MYH14: variants seen among roughly 807,000 people sequenced by gnomAD.
MYH14 encodes myosin heavy chain 14, also known as myosin-14.
Under a neutral mutation model 255.5 loss-of-function variants are expected in MYH14, and 123 were observed. That is an observed-to-expected ratio of 0.48 (90% CI 0.42 to 0.56). The LOEUF is 0.56. Ranked by LOEUF, MYH14 falls within the 20% of genes least tolerant of loss-of-function variation. The probability of loss-of-function intolerance (pLI) is 0.00; values close to 1 mark genes in which losing one functional copy is unlikely to be tolerated. For missense variants in MYH14, 2,423 were observed against 2,802.3 expected, an observed-to-expected ratio of 0.86 and a Z score of 3.06; for synonymous variants, 1,095 against 1,161.2, an observed-to-expected ratio of 0.94 and a Z score of 1.16.
Position 50,230,597 on chromosome 19 carries a change from TG to T in MYH14, c.953del (p.Gly318AlafsTer21), listed in dbSNP as rs777112799. The T allele has an allele frequency of 1.3e-6, 2 of 1,566,172 alleles. No individual in the cohort carries two copies. The highest frequency in any genetic ancestry group is 2.4e-5 in the East Asian group (1 of 42,104). ...AGCTTCCACATCTTCTACCAGCTGC[TG>T]GGGGGCGCTGGAGAGCAGCTCAAAG... ...ECSFHIFYQLLGGAGEQLKAD... is the reference protein window; with the variant it reads ...ECSFHIFYQLXGGAGEQLKAD... On this transcript the variant is annotated frameshift_variant, in exon 9 of 43. Coordinates refer to ENST00000642316, the MANE Select transcript of MYH14 (RefSeq NM_001145809.2). LOFTEE classifies it high-confidence loss of function. The surrounding 1 kb of genome is among the most constrained non-coding windows in gnomAD (Gnocchi z 4.7).
chr19:50,296,560 T>A (rs1024551333), intron 39 of MYH14, among the ~76,000 whole-genome samples: 7 of 152,102 alleles, frequency 4.6e-5, no homozygotes, highest in Non-Finnish European at 8.8e-5. Flanking sequence ...TGAGCCAGAA[T>A]TGTGCCACTC....
In MYH14 at chr19:50,252,796, G is replaced by A. The variant is rs181271120; in HGVS notation, c.1945+43G>A. On this transcript the variant is annotated intron_variant, in intron 16 of 42. Transcript: ENST00000642316. The surrounding 1 kb of genome is among the most constrained non-coding windows in gnomAD (Gnocchi z 4.2). ...CCACCCCGGCTCTAGGGGTCTGTGC[G>A]GCCATTCTCCAAATCCACAGCGTGA... The A allele has an allele frequency of 7.4e-5, 104 of 1,397,336 alleles. No individual in the cohort carries two copies. Among genetic ancestry groups the A allele is most frequent in the Admixed American group, 4.6e-4 (23 of 49,682 alleles). The allele number at this position is 1,397,336 out of a possible 1,614,324, so 86.6% of individuals were successfully genotyped here.
At position 50,305,312 on chromosome 19, in the gene MYH14, G is replaced by C. The variant is rs547328231; in HGVS notation, c.5679-1737G>C. Among the ~76,000 whole-genome samples, 23 of 152,174 alleles carry C rather than the reference G, an allele frequency of 1.5e-4. No individual in the cohort carries two copies. The South Asian group carries it at 4.4e-3, about 29-fold the overall frequency. ...AAGAGAGGATGAAGAAGAGAAAGCA[G>C]GGGGCAGAAGGAATGAAGCGGAGGC... On this transcript the variant is annotated intron_variant, in intron 40 of 42. Coordinates refer to ENST00000642316, the MANE Select transcript of MYH14 (RefSeq NM_001145809.2).
chr19:50,296,669 A>C (rs1012559798), intron 39 of MYH14, among the ~76,000 whole-genome samples: 10 of 152,242 alleles, frequency 6.6e-5, no homozygotes, highest in African/African-American at 2.2e-4. Flanking sequence ...GGCTGATTCC[A>C]GATCTGGAGC....
Position 50,266,910 on chromosome 19 carries a change from G to A in MYH14, c.2728G>A (p.Glu910Lys). The A allele has an allele frequency of 6.4e-7, 1 of 1,552,286 alleles. No individual in the cohort carries two copies. Among genetic ancestry groups the A allele is most frequent in the Non-Finnish European group, 8.7e-7 (1 of 1,147,308 alleles). Reference protein sequence around the residue: ...KPLLQVTRQDEVLQARAQELQ... With the variant: ...KPLLQVTRQDKVLQARAQELQ... ...ACTGCTGCAGGTGACGCGGCAGGATGAGGTGCTGCAGGCACGGGCCCAGGA... is the reference window on the plus strand; with the variant it reads ...ACTGCTGCAGGTGACGCGGCAGGATAAGGTGCTGCAGGCACGGGCCCAGGA... The change falls in exon 23 of 43, where the codon GAG (glutamate) becomes AAG (lysine). Residue 910 changes from glutamate (E) to lysine (K), a missense_variant. Coordinates refer to ENST00000642316, the MANE Select transcript of MYH14 (RefSeq NM_001145809.2). This position sits in a 1 kb window ranked among gnomAD's most constrained non-coding sequence, Gnocchi z 4.1.
At chr19:50,253,427 T>C (rs544404709) in intron 16 of MYH14, among the ~76,000 whole-genome samples, 1 of 147,376 alleles carries the variant, frequency 6.8e-6, no homozygotes, top group East Asian at 2.0e-4. Context: ...TGGGTGACAG[T>C]GTGAGACTCT....
At chr19:50,296,167 A>T (rs2036259239) in intron 39 of MYH14, among the ~76,000 whole-genome samples, 1 of 152,056 alleles carries the variant, frequency 6.6e-6, no homozygotes, top group African/African-American at 2.4e-5. Context: ...TCTCAATTTG[A>T]CTTCATCATA....
rs753633995 is a variant in MYH14, at chr19:50,257,432, C to G, written c.2178C>G (p.Leu726=). Residue 726 remains leucine, a synonymous_variant, in exon 18 of 43, where the codon CTC becomes CTG. Coordinates refer to ENST00000642316, the MANE Select transcript of MYH14 (RefSeq NM_001145809.2). The part of the protein sequence containing the change: ...KESLSRLMAT[L]SNTNPSFVRC... ...CCCTGAGCCGCCTCATGGCCACACT[C>G]AGCAACACCAACCCCAGTTTTGTCC... The G allele has an allele frequency of 6.2e-7, 1 of 1,608,328 alleles. No homozygotes were observed. Among genetic ancestry groups the G allele is most frequent in the Non-Finnish European group, 8.5e-7 (1 of 1,177,236 alleles).
At chr19:50,246,009 A>T (rs1217531068) in intron 11 of MYH14, among the ~76,000 whole-genome samples, 1 of 113,302 alleles carries the variant, frequency 8.8e-6, no homozygotes, top group African/African-American at 3.5e-5. Flanking sequence ...CTGTACTGGG[A>T]TTCCCTCGCT....
intron 5 of MYH14, 137 bp downstream of exon 5, chr19:50,223,486 T>C (rs1216439379): frequency 7.2e-6 from 5 of 694,564 alleles, no homozygotes; most frequent in Non-Finnish European, 1.3e-5. Context: ...GCACCTACTG[T>C]GTGCCTGGGG....
At chr19:50,226,660 C>T (rs1043783375) in intron 7 of MYH14, among the ~76,000 whole-genome samples, 5 of 152,076 alleles carry the variant, frequency 3.3e-5, no homozygotes, top group Non-Finnish European at 5.9e-5. Flanking sequence ...GTGCCTAGTT[C>T]CAAGGGAGGA....
intron 18 of MYH14, among the ~76,000 whole-genome samples, chr19:50,257,732 G>C (rs1259027555): frequency 3.3e-5 from 5 of 152,202 alleles, no homozygotes; most frequent in Non-Finnish European, 5.9e-5. Flanking sequence ...GAAAGGCACA[G>C]CCAACTCCTG....
At chr19:50,213,779 G>A (rs1389864329) in intron 2 of MYH14, among the ~76,000 whole-genome samples, 1 of 152,144 alleles carries the variant, frequency 6.6e-6, no homozygotes, top group Non-Finnish European at 1.5e-5. Flanking sequence ...AGCTGATAGT[G>A]GCTAAAATAT....
At chr19:50,215,648 C>T (rs1265182759) in intron 2 of MYH14, among the ~76,000 whole-genome samples, 1 of 152,080 alleles carries the variant, frequency 6.6e-6, no homozygotes, top group Admixed American at 6.5e-5. Flanking sequence ...CTGATCTCTA[C>T]AAAAAGTAAA....
chr19:50,246,719 T>G (rs1187110000), intron 11 of MYH14, among the ~76,000 whole-genome samples: 1 of 152,226 alleles, frequency 6.6e-6, no homozygotes, highest in Non-Finnish European at 1.5e-5. Flanking sequence ...TCTTGGGCAC[T>G]GAGGTTGTTT....
chr19:50,300,065 A>G (rs1220974468), intron 39 of MYH14, among the ~76,000 whole-genome samples: 1 of 152,202 alleles, frequency 6.6e-6, no homozygotes, highest in African/African-American at 2.4e-5. Flanking sequence ...AACTAAAGAC[A>G]TACAAGGAAA....
intron 3 of MYH14, among the ~76,000 whole-genome samples, chr19:50,220,973 A>AT (rs2032789718): frequency 6.6e-6 from 1 of 152,140 alleles, no homozygotes; most frequent in Non-Finnish European, 1.5e-5. Context: ...TGCTGGATTA[A>AT]TTCATTTAAC....
intron 3 of MYH14, among the ~76,000 whole-genome samples, chr19:50,220,557 T>C (rs1348933359): frequency 6.6e-6 from 1 of 151,840 alleles, no homozygotes; most frequent in Non-Finnish European, 1.5e-5. Flanking sequence ...AAACATATTA[T>C]GCTTATTTTT....
At position 50,272,561 on chromosome 19, in the gene MYH14, C is replaced by T; in HGVS notation, c.3297C>T (p.Asp1099=). The T allele has an allele frequency of 6.4e-7, 1 of 1,567,450 alleles. No homozygotes were observed. The highest frequency in any genetic ancestry group is 8.6e-7 in the Non-Finnish European group (1 of 1,156,580). ...KYEATIADME[D]RLRKEEKGRQ... is the part of the protein sequence containing the mutation. ...CACGGCCCCCACCCCTGCCTCCAGA[C>T]CGCCTACGGAAGGAGGAGAAGGGTC... The change falls in exon 27 of 43, where the codon GAC becomes GAT. Residue 1099 remains aspartate (D), a splice_region_variant and synonymous_variant. Coordinates refer to ENST00000642316, the MANE Select transcript of MYH14 (RefSeq NM_001145809.2).
Sources: allele counts gnomAD v4.1 joint callset (sites outside exome capture counted in the v4.1 genomes callset), GRCh38; gene constraint gnomAD v4.1.1; non-coding constraint Gnocchi (gnomAD v3.1); transcripts MANE v1.5; gene names NCBI Gene and HGNC (gene_info 2026-07-23, HGNC 2026-07-21).